The following EFCAB13 variants were observed in gnomAD, a reference collection of about 807,000 sequenced individuals.
The protein encoded by EFCAB13 is EF-hand calcium binding domain 13.
A neutral mutation model predicts 110.2 loss-of-function variants in EFCAB13; 91 were observed. That is an observed-to-expected ratio of 0.83 (90% confidence interval 0.70 to 0.98). The LOEUF (loss-of-function observed/expected upper bound fraction) is 0.98. EFCAB13 is among the 50% of genes least tolerant of loss of function. EFCAB13 has a pLI of 0.00. For missense variants in EFCAB13, 968 were observed against 1,119.4 expected (o/e 0.86, Z 1.93); for synonymous variants, 323 against 369.9 (o/e 0.87, Z 1.45).
chr17:47,423,313 T>C (rs1250925770), intron 23 of EFCAB13: 1 of 152,484 alleles, frequency 6.6e-6, no homozygotes, highest in East Asian at 1.9e-4. Context: ...GGGCATTTTG[T>C]TGGCTATTTA....
intron 24 of EFCAB13, among the ~76,000 whole-genome samples, chr17:47,440,121 A>T (rs1013982056): frequency 1.3e-5 from 2 of 152,152 alleles, no homozygotes; most frequent in African/African-American, 4.8e-5. Context: ...CAATTTTTTT[A>T]AAGAGGAATA....
intron 24 of EFCAB13, among the ~76,000 whole-genome samples, chr17:47,437,180 CAT>C (rs1435721204): frequency 6.6e-6 from 1 of 152,080 alleles, no homozygotes; most frequent in Admixed American, 6.6e-5. Context: ...TATGGCCTAT[CAT>C]ATGGTCTATC....
chr17:47,432,258 C>T (rs1284045912), intron 24 of EFCAB13, among the ~76,000 whole-genome samples: 3 of 151,854 alleles, frequency 2.0e-5, no homozygotes, highest in East Asian at 1.9e-4. Context: ...ATTAGCCAGG[C>T]GTGGTGGCGG....
intron 5 of EFCAB13, among the ~76,000 whole-genome samples, chr17:47,336,807 A>C (rs1227728865): frequency 6.6e-6 from 1 of 152,102 alleles, no homozygotes; most frequent in African/African-American, 2.4e-5. Flanking sequence ...TGTTAGTCGT[A>C]GAAGTTCTAG....
chr17:47,344,176 TC>T lies in EFCAB13; in HGVS notation c.319del (p.Leu107Ter). 1 of 1,612,910 alleles carries T rather than the reference TC, an allele frequency of 6.2e-7. No individual in the cohort carries two copies. Among genetic ancestry groups the T allele is most frequent in the Non-Finnish European group, 8.5e-7 (1 of 1,179,172 alleles). On this transcript the variant is annotated frameshift_variant, in exon 7 of 25. Transcript: ENST00000331493. LOFTEE classifies it high-confidence loss of function. ...SKRTEIIPPF[L>X]KLSKEKVTRK... ...TTTGGCTCTAGATTATCCCTCCTTT[TC>T]TGAAGCTGTCAAAGGAGAAGGTGAC... is the stretch of plus-strand genomic sequence containing the variant.
At chr17:47,435,527 G>GT (rs930658416) in intron 24 of EFCAB13, among the ~76,000 whole-genome samples, 1 of 151,830 alleles carries the variant, frequency 6.6e-6, no homozygotes, top group African/African-American at 2.4e-5. Context: ...AGATTTTTTT[G>GT]TTTTTGTTTT....
intron 14 of EFCAB13, among the ~76,000 whole-genome samples, chr17:47,390,325 TACACACAC>T (rs111830433): frequency 8.7e-5 from 13 of 150,102 alleles, no homozygotes; most frequent in Admixed American, 3.3e-4. Flanking sequence ...GTTTTTTTCA[TACACACAC>T]ACACACACAC....
intron 18 of EFCAB13, among the ~76,000 whole-genome samples, chr17:47,402,907 C>G (rs2065786274): frequency 6.6e-6 from 1 of 152,164 alleles, no homozygotes; most frequent in African/African-American, 2.4e-5. Flanking sequence ...AGCAGAAAGA[C>G]AGGAAAATGC....
chr17:47,386,048 C>T (rs2065673797), intron 14 of EFCAB13, among the ~76,000 whole-genome samples: 1 of 152,154 alleles, frequency 6.6e-6, no homozygotes, highest in African/African-American at 2.4e-5. Context: ...AGCTCTCCTG[C>T]ATGAGGTGTC....
chr17:47,412,503 T>C (rs2065841302), intron 21 of EFCAB13, among the ~76,000 whole-genome samples: 2 of 152,204 alleles, frequency 1.3e-5, no homozygotes, highest in South Asian at 4.1e-4. Context: ...GCTCATTCAG[T>C]TTTTAATGGA....
chr17:47,326,967 CTGA>C (rs775614140), intron 3 of EFCAB13, among the ~76,000 whole-genome samples: 21 of 152,098 alleles, frequency 1.4e-4, no homozygotes, highest in African/African-American at 3.9e-4. Flanking sequence ...AAGAAAAAGA[CTGA>C]TGATTATAAC....
At position 47,431,387 on chromosome 17, in the gene EFCAB13, A is replaced by AT. The variant is rs142606413; in HGVS notation, c.2638+1436dup. ...AATATTTAGCTCAATAATTTTAAGG[A>AT]TTTTTTTTTTGTTTGTAATACATAC... On this transcript the variant is annotated intron_variant, in intron 24 of 24. Transcript: ENST00000331493. This position sits in a 1 kb window ranked among gnomAD's most constrained non-coding sequence, Gnocchi z 4.1. Among the ~76,000 whole-genome samples, 266 of 147,286 alleles carry AT rather than the reference A, an allele frequency of 1.8e-3. No individual in the cohort carries two copies. The highest frequency in any genetic ancestry group is 5.3e-3 in the African/African-American group (214 of 40,212).
At chr17:47,376,926 G>T (rs112217356) in intron 12 of EFCAB13, among the ~76,000 whole-genome samples, 11 of 152,042 alleles carry the variant, frequency 7.2e-5, no homozygotes, top group African/African-American at 2.7e-4. Flanking sequence ...AATAAATTCA[G>T]GTTATGCATT....
intron 4 of EFCAB13, among the ~76,000 whole-genome samples, chr17:47,334,607 A>G (rs2065338406): frequency 6.6e-6 from 1 of 152,212 alleles, no homozygotes; most frequent in South Asian, 2.1e-4. Flanking sequence ...AAACTTTTGT[A>G]CCTTGATGCC....
intron 23 of EFCAB13, among the ~76,000 whole-genome samples, chr17:47,426,779 G>A (rs1904977659): frequency 6.6e-6 from 1 of 152,110 alleles, no homozygotes; most frequent in South Asian, 2.1e-4. Context: ...TAAATTTTAG[G>A]TACCTGGATT....
intron 24 of EFCAB13, among the ~76,000 whole-genome samples, chr17:47,439,334 C>G (rs962720651): frequency 2.0e-5 from 3 of 151,472 alleles, no homozygotes; most frequent in African/African-American, 7.3e-5. Flanking sequence ...CTGCCACCAC[C>G]CCTGGCTAAT....
chr17:47,424,112 G>A (rs1325735490), intron 23 of EFCAB13, among the ~76,000 whole-genome samples: 2 of 152,312 alleles, frequency 1.3e-5, no homozygotes, highest in South Asian at 2.1e-4. Context: ...TGCACAGCGT[G>A]GCTGCCAGGA....
chr17:47,389,578 CTTTT>C (rs551358125), intron 14 of EFCAB13, among the ~76,000 whole-genome samples: 2 of 135,154 alleles, frequency 1.5e-5, no homozygotes, highest in Non-Finnish European at 1.6e-5. Context: ...CTCATTTCAT[CTTTT>C]TTTTTTTTTT....
Position 47,341,957 on chromosome 17 carries a change from G to C in EFCAB13, c.228G>C (p.Lys76Asn). The C allele has an allele frequency of 1.3e-6, 2 of 1,597,084 alleles. No homozygotes were observed. Among genetic ancestry groups the C allele is most frequent in the African/African-American group, 2.7e-5 (2 of 74,048 alleles). The part of the protein sequence containing the change: ...ETSIIFCGEE[K>N]SSDFSGEKKV... ...CAATAATCTTTTGTGGAGAAGAAAA[G>C]TCCTCTGATTTTTCAGGAGAAAAAA... Residue 76 changes from lysine to asparagine, a missense_variant, in exon 6 of 25, where the codon AAG becomes AAC. Transcript: ENST00000331493.
Sources: allele counts gnomAD v4.1 joint callset (sites outside exome capture counted in the v4.1 genomes callset), GRCh38; gene constraint gnomAD v4.1.1; non-coding constraint Gnocchi (gnomAD v3.1); transcripts MANE v1.5; gene names NCBI Gene and HGNC (gene_info 2026-07-23, HGNC 2026-07-21).